Variants in HP1BP3 observed in about 807,000 individuals in gnomAD.
HP1BP3 encodes heterochromatin protein 1-binding protein 3.
A neutral mutation model predicts 62.5 loss-of-function variants in HP1BP3; 12 were observed. The ratio of observed to expected loss-of-function variants is 0.19; its 90% CI spans 0.12 to 0.31. HP1BP3 has a LOEUF of 0.31. Among genes scored for constraint, HP1BP3 ranks in the 10% least tolerant of loss-of-function variants. HP1BP3 has a pLI of 1.00. For missense variants in HP1BP3, 502 were observed against 651.8 expected (o/e 0.77, Z 2.50); for synonymous variants, 260 against 237.8 (o/e 1.09, Z -0.86).
In HP1BP3 at chr1:20,744,295, G is replaced by A. The variant is rs1264505030; in HGVS notation, c.*502C>T. ...TACAGTTGGAGAGAAAAGGTTAGTG[G>A]AGTGGCTTTTATAAATAAGATTAAT... On this transcript the variant is annotated 3_prime_UTR_variant, in exon 13 of 13. Coordinates refer to ENST00000438032, the MANE Select transcript of HP1BP3 (RefSeq NM_001372052.1). The A allele has an allele frequency of 6.5e-6, 1 of 153,020 alleles. No homozygotes were observed. The highest frequency in any genetic ancestry group is 1.5e-5 in the Non-Finnish European group (1 of 68,406). The allele number at this position is 153,020 out of a possible 1,614,324, so 9.5% of individuals were successfully genotyped here.
At chr1:20,761,454 T>C (rs953458420) in intron 8 of HP1BP3, among the ~76,000 whole-genome samples, 2 of 152,122 alleles carry the variant, frequency 1.3e-5, no homozygotes, top group Admixed American at 6.6e-5. Flanking sequence ...TTTCAGCACA[T>C]GGAAGGATAA....
Position 20,783,551 on chromosome 1 carries a change from C to CA in HP1BP3, c.-100-3012dup, listed in dbSNP as rs968841942. Among the ~76,000 whole-genome samples the CA allele has an allele frequency of 4.1e-5, 6 of 144,792 alleles. No homozygotes were observed. In the East Asian group the frequency reaches 6.0e-4, roughly 15 times the overall value. 95.0% of individuals were successfully genotyped at this position (144,792 alleles called of 152,430 possible). A position where few individuals can be genotyped will look rare whatever the true frequency, so the allele number is the denominator to read the frequency against. On this transcript the variant is annotated intron_variant, in intron 1 of 12. Transcript: ENST00000438032. ...AAACAACAACAATTTAAAAAAAAAA[C>CA]AAAAAAAATAGAGATGTTAGAGCTC...
At chr1:20,767,414 T>C (rs572290683) in intron 7 of HP1BP3, among the ~76,000 whole-genome samples, 170 bp downstream of exon 7, 1 of 152,222 alleles carries the variant, frequency 6.6e-6, no homozygotes, top group Non-Finnish European at 1.5e-5. Flanking sequence ...GATCTGCACC[T>C]TGGCTATTCT....
At chr1:20,756,990 G>T (rs1258411347) in intron 9 of HP1BP3, among the ~76,000 whole-genome samples, 176 bp downstream of exon 9, 2 of 152,016 alleles carry the variant, frequency 1.3e-5, no homozygotes, top group East Asian at 3.9e-4. Context: ...GATTACAGGT[G>T]TGAGCCACCG....
chr1:20,786,537 G>A (rs959462066), intron 1 of HP1BP3: 1 of 152,278 alleles, frequency 6.6e-6, no homozygotes, highest in Non-Finnish European at 1.5e-5. Flanking sequence ...GGATGAGGCT[G>A]GGGCTCGGCG....
intron 9 of HP1BP3, among the ~76,000 whole-genome samples, chr1:20,751,749 A>C (rs1300016068): frequency 6.6e-6 from 1 of 152,062 alleles, no homozygotes; most frequent in African/African-American, 2.4e-5. Context: ...ACTAAAAAAA[A>C]AAAAAAGTAT....
chr1:20,768,597 T>TGGAA (rs1213164673), intron 6 of HP1BP3, among the ~76,000 whole-genome samples: 1 of 152,198 alleles, frequency 6.6e-6, no homozygotes, highest in Non-Finnish European at 1.5e-5. Flanking sequence ...CCCAGCATTT[T>TGGAA]GGAAGGCCGA....
chr1:20,746,107 A>C (rs2055302674), intron 11 of HP1BP3, among the ~76,000 whole-genome samples: 2 of 152,164 alleles, frequency 1.3e-5, no homozygotes, highest in South Asian at 4.1e-4. Flanking sequence ...AGGATCTCCT[A>C]AACTCTTTTT....
intron 4 of HP1BP3, 156 bp from the exon 5 acceptor site, chr1:20,773,766 ATCT>A (rs750379976): frequency 4.2e-6 from 2 of 471,402 alleles, no homozygotes; most frequent in Non-Finnish European, 7.2e-6. Context: ...TACAAAATAA[ATCT>A]TCTTTAAAAA....
rs186846045 is a variant in HP1BP3, at chr1:20,761,267, G to A, written c.891-4011C>T. ...TCACCATGTTGGCCAGGCTGGTCTC[G>A]AACTCCTGACCTCATGTGATCCACC... On this transcript the variant is annotated intron_variant, in intron 8 of 12. Coordinates refer to ENST00000438032, the MANE Select transcript of HP1BP3 (RefSeq NM_001372052.1). Among the ~76,000 whole-genome samples the A allele has an allele frequency of 4.0e-3, 605 of 152,120 alleles. 2 individuals are homozygous for A. The highest frequency in any genetic ancestry group is 0.014 in the African/African-American group (567 of 41,518).
chr1:20,761,277 C>T (rs1029955398), intron 8 of HP1BP3, among the ~76,000 whole-genome samples: 18 of 152,076 alleles, frequency 1.2e-4, no homozygotes, highest in African/African-American at 4.1e-4. Context: ...GAACTCCTGA[C>T]CTCATGTGAT....
chr1:20,786,583 C>A (rs911801696), intron 1 of HP1BP3: 7 of 152,214 alleles, frequency 4.6e-5, no homozygotes, highest in African/African-American at 1.7e-4. Flanking sequence ...GGCAGGGACA[C>A]CGCGGCGCCC....
chr1:20,752,660 C>T (rs921806346), intron 9 of HP1BP3, among the ~76,000 whole-genome samples: 1 of 152,052 alleles, frequency 6.6e-6, no homozygotes, highest in Admixed American at 6.6e-5. Context: ...CAGCTTACCA[C>T]AGATAAAGGC....
intron 1 of HP1BP3, among the ~76,000 whole-genome samples, chr1:20,784,925 C>CAAT (rs1214567356): frequency 6.6e-6 from 1 of 152,146 alleles, no homozygotes; most frequent in Middle Eastern, 3.2e-3. Context: ...AAGGGAAATG[C>CAAT]TTAAATTAAA....
In HP1BP3 at chr1:20,784,605, T is replaced by C. The variant is rs1281485656; in HGVS notation, c.-101+2590A>G. Among the ~76,000 whole-genome samples the C allele has an allele frequency of 3.3e-5, 5 of 151,428 alleles. No individual in the cohort carries two copies. The South Asian group carries it at 6.3e-4, about 19-fold the overall frequency. Reference sequence around the variant, plus strand: ...CATTCTCCTGCCTCAGCCTCCTGAGTAGCTGGGACTACAGGCGTCCGCCAC... The same window carrying C: ...CATTCTCCTGCCTCAGCCTCCTGAGCAGCTGGGACTACAGGCGTCCGCCAC... On this transcript the variant is annotated intron_variant, in intron 1 of 12. Transcript: ENST00000438032.
At chr1:20,774,193 T>A (rs2057188606) in intron 4 of HP1BP3, 1 of 152,178 alleles carries the variant, frequency 6.6e-6, no homozygotes, top group African/African-American at 2.4e-5. Context: ...ACCTAATAGG[T>A]GCATTAGAAC....
chr1:20,770,454 TAG>T (rs2057006388), intron 6 of HP1BP3, among the ~76,000 whole-genome samples: 1 of 152,150 alleles, frequency 6.6e-6, no homozygotes, highest in Non-Finnish European at 1.5e-5. Flanking sequence ...TACCTGGGAC[TAG>T]AGGCATGTGT....
At chr1:20,784,476 C>CTTTTTTTTTT (rs368306686) in intron 1 of HP1BP3, among the ~76,000 whole-genome samples, 1 of 124,548 alleles carries the variant, frequency 8.0e-6, no homozygotes, top group Non-Finnish European at 1.6e-5. Flanking sequence ...TGTGTTTTCC[C>CTTTTTTTTTT]TTTTTTTTTT....
intron 11 of HP1BP3, among the ~76,000 whole-genome samples, chr1:20,745,883 T>C (rs2154539468): frequency 6.6e-6 from 1 of 152,336 alleles, no homozygotes; most frequent in Non-Finnish European, 1.5e-5. Context: ...ATACCCACTA[T>C]TTAATAAAAT....
Sources: allele counts gnomAD v4.1 joint callset (sites outside exome capture counted in the v4.1 genomes callset), GRCh38; gene constraint gnomAD v4.1.1; transcripts MANE v1.5; gene names NCBI Gene and HGNC (gene_info 2026-07-23, HGNC 2026-07-21).